The following SENP6 variants were observed in gnomAD, a reference collection of about 807,000 sequenced individuals.
SENP6 encodes the protein sentrin-specific protease 6.
Under a neutral mutation model 134.5 loss-of-function variants are expected in SENP6, and 41 were observed. The observed-to-expected ratio is 0.30, with a 90% confidence interval of 0.24 to 0.40. The LOEUF (loss-of-function observed/expected upper bound fraction) is 0.40, where lower values mean the gene tolerates loss of function less well. Ranked by LOEUF, SENP6 falls within the 10% of genes least tolerant of loss-of-function variation. The pLI is 1.00. For missense variants in SENP6, 1,248 were observed against 1,312.5 expected, an observed-to-expected ratio of 0.95 and a Z score of 0.76; for synonymous variants, 395 against 429.8, an observed-to-expected ratio of 0.92 and a Z score of 1.00.
chr6:75,669,752 TC>T (rs540911783), intron 10 of SENP6, among the ~76,000 whole-genome samples: 175 of 152,336 alleles, frequency 1.1e-3, no homozygotes, highest in African/African-American at 4.2e-3. Flanking sequence ...TTGCTTGCTT[TC>T]TAAAGAATTA....
intron 17 of SENP6, 29 bp from the exon 18 acceptor site, chr6:75,697,396 G>A: frequency 1.4e-6 from 2 of 1,480,074 alleles, no homozygotes; most frequent in South Asian, 1.2e-5. Flanking sequence ...AAATATTTCA[G>A]AAGCTTATAA....
At chr6:75,638,602 ATATATATATATATATATATATTTTTTTT>A (rs1769740097) in intron 5 of SENP6, among the ~76,000 whole-genome samples, 1 of 40,058 alleles carries the variant, frequency 2.5e-5, no homozygotes, top group South Asian at 9.8e-4. Context: ...ATATATATAT[ATATATATATATATATATATATTTTTTTT>A]TTTTTTTTTT....
intron 3 of SENP6, among the ~76,000 whole-genome samples, chr6:75,624,356 AT>A (rs1270316589): frequency 1.3e-5 from 2 of 152,076 alleles, no homozygotes; most frequent in South Asian, 2.1e-4. Flanking sequence ...CAACTTTTTA[AT>A]TTTTTTCTAA....
chr6:75,698,267 T>G (rs1439568885), intron 18 of SENP6, among the ~76,000 whole-genome samples: 1 of 152,182 alleles, frequency 6.6e-6, no homozygotes, highest in Non-Finnish European at 1.5e-5. Flanking sequence ...TCTAAAGTAG[T>G]GGTTTGCCTA....
intron 19 of SENP6, among the ~76,000 whole-genome samples, chr6:75,703,887 A>G (rs191819279): frequency 1.3e-5 from 2 of 152,282 alleles, no homozygotes; most frequent in African/African-American, 2.4e-5. Flanking sequence ...TACAAAGTTT[A>G]TATTTTCCAT....
intron 7 of SENP6, among the ~76,000 whole-genome samples, chr6:75,656,435 T>G (rs1562012703): frequency 6.6e-6 from 1 of 152,122 alleles, no homozygotes; most frequent in Non-Finnish European, 1.5e-5. Context: ...CAAAAATCAC[T>G]TCTGTGATCA....
At chr6:75,651,338 A>C (rs1278681861) in intron 7 of SENP6, among the ~76,000 whole-genome samples, 1 of 152,098 alleles carries the variant, frequency 6.6e-6, no homozygotes, top group Non-Finnish European at 1.5e-5. Context: ...AGCACTGCTT[A>C]ACACATGTTA....
chr6:75,662,179 T>C (rs1297228478), intron 8 of SENP6, among the ~76,000 whole-genome samples: 3 of 152,248 alleles, frequency 2.0e-5, no homozygotes, highest in Non-Finnish European at 2.9e-5. Context: ...TGGTTATTTA[T>C]GGGTAGAGTC....
intron 1 of SENP6, among the ~76,000 whole-genome samples, chr6:75,603,084 G>A (rs1766760388): frequency 6.6e-6 from 1 of 152,096 alleles, no homozygotes; most frequent in Admixed American, 6.5e-5. Flanking sequence ...ATTAGGCCTG[G>A]CCTTGTCTGA....
chr6:75,683,926 C>T lies in SENP6; in HGVS notation c.2075+4999C>T, dbSNP rs184555163. ...AACTTTAAAGTAGTTTTTTCTAATT[C>T]TGTGAAGAAAGTCACTGGTAGCTTG... On this transcript the variant is annotated intron_variant, in intron 16 of 23. Coordinates refer to ENST00000447266, the MANE Select transcript of SENP6 (RefSeq NM_015571.4). Among the ~76,000 whole-genome samples, 308 of 152,242 alleles carry T rather than the reference C, an allele frequency of 2.0e-3. 1 individual carries two copies. Among genetic ancestry groups the T allele is most frequent in the African/African-American group, 6.3e-3 (263 of 41,554 alleles).
intron 1 of SENP6, among the ~76,000 whole-genome samples, chr6:75,606,042 G>A (rs1179608532): frequency 6.6e-6 from 1 of 152,174 alleles, no homozygotes; most frequent in Non-Finnish European, 1.5e-5. Flanking sequence ...TGTTTAGCCT[G>A]AGGTATTAGT....
chr6:75,648,364 C>G (rs1487257560), intron 7 of SENP6, among the ~76,000 whole-genome samples: 1 of 152,098 alleles, frequency 6.6e-6, no homozygotes, highest in African/African-American at 2.4e-5. Flanking sequence ...TTTTCATTAT[C>G]TGGAATAATG....
chr6:75,701,770 GC>G lies in SENP6; in HGVS notation c.2289-874del, dbSNP rs371167576. ...TTCTCCTGCCTCAGCCTCCCAAGTA[GC>G]TGGGACTACAGGCGCACACTACCAC... On this transcript the variant is annotated intron_variant, in intron 18 of 23. Transcript: ENST00000447266. Among the ~76,000 whole-genome samples the G allele has an allele frequency of 7.7e-4, 116 of 150,352 alleles. No individual in the cohort carries two copies. The South Asian group carries it at 0.023, about 30-fold the overall frequency.
intron 16 of SENP6, among the ~76,000 whole-genome samples, chr6:75,689,021 A>G (rs1037161288): frequency 6.6e-6 from 1 of 152,166 alleles, no homozygotes. Flanking sequence ...AGCCGAGATC[A>G]TGCCATTGAA....
chr6:75,699,291 G>T (rs1774863496), intron 18 of SENP6, among the ~76,000 whole-genome samples: 1 of 150,490 alleles, frequency 6.6e-6, no homozygotes, highest in Non-Finnish European at 1.5e-5. Flanking sequence ...CTCTGTAAGA[G>T]AGCTCTACCA....
At chr6:75,707,355 C>CT (rs10564996) in intron 19 of SENP6, among the ~76,000 whole-genome samples, 1,989 of 74,704 alleles carry the variant, frequency 0.027, 253 homozygotes, top group East Asian at 0.083. Context: ...TCTTCTTCTT[C>CT]TTTTTTTTTT....
intron 11 of SENP6, among the ~76,000 whole-genome samples, chr6:75,674,520 A>T (rs1218041818): frequency 6.6e-6 from 1 of 152,024 alleles, no homozygotes; most frequent in African/African-American, 2.4e-5. Flanking sequence ...ATGGGGTTTC[A>T]CCATGTTGGC....
At chr6:75,636,759 G>A (rs998430814) in intron 5 of SENP6, among the ~76,000 whole-genome samples, 5 of 152,252 alleles carry the variant, frequency 3.3e-5, no homozygotes, top group African/African-American at 1.2e-4. Context: ...CACAAAGAAA[G>A]GCTTTAACTA....
At chr6:75,646,226 GTTAC>G (rs1770424401) in intron 6 of SENP6, among the ~76,000 whole-genome samples, 1 of 152,118 alleles carries the variant, frequency 6.6e-6, no homozygotes, top group Non-Finnish European at 1.5e-5. Context: ...TTATAAGACT[GTTAC>G]TACTACATCT....
Sources: allele counts gnomAD v4.1 joint callset (sites outside exome capture counted in the v4.1 genomes callset), GRCh38; gene constraint gnomAD v4.1.1; transcripts MANE v1.5; gene names NCBI Gene and HGNC (gene_info 2026-07-23, HGNC 2026-07-21).